Variants in SRGAP3 observed in about 807,000 individuals in gnomAD.
SRGAP3 encodes SLIT-ROBO Rho GTPase-activating protein 3.
A neutral mutation model predicts 121.1 loss-of-function variants in SRGAP3; 39 were observed. The ratio of observed to expected loss-of-function variants is 0.32; its 90% CI spans 0.25 to 0.42. The LOEUF is 0.42. Among genes scored for constraint, SRGAP3 ranks in the 10% least tolerant of loss-of-function variants. The probability of loss-of-function intolerance (pLI) is 1.00; values close to 1 mark genes in which losing one functional copy is unlikely to be tolerated. For synonymous variants in SRGAP3, 601 were observed against 570.0 expected, an observed-to-expected ratio of 1.05 and a Z score of -0.77; for missense variants, 1,213 against 1,470.6, an observed-to-expected ratio of 0.82 and a Z score of 2.86.
At chr3:9,006,171 C>T (rs1216922559) in intron 18 of SRGAP3, among the ~76,000 whole-genome samples, 1 of 151,966 alleles carries the variant, frequency 6.6e-6, no homozygotes, top group East Asian at 1.9e-4. Context: ...GAGGCTGAGG[C>T]AAGCAGATCA....
intron 1 of SRGAP3, among the ~76,000 whole-genome samples, chr3:9,173,277 T>C (rs1187071903): frequency 1.3e-5 from 2 of 152,202 alleles, no homozygotes; most frequent in Non-Finnish European, 2.9e-5. Flanking sequence ...AGGACAGGCT[T>C]ACAGCCCAAA....
intron 1 of SRGAP3, among the ~76,000 whole-genome samples, chr3:9,171,642 C>A (rs930752655): frequency 2.0e-5 from 3 of 152,124 alleles, no homozygotes. Flanking sequence ...TTATTAAAAT[C>A]TTTGCCTGGA....
intron 17 of SRGAP3, 71 bp downstream of exon 17, chr3:9,013,237 T>C (rs1212117378): frequency 6.8e-7 from 1 of 1,470,600 alleles, no homozygotes; most frequent in East Asian, 2.4e-5. Context: ...AACTGAAGGG[T>C]TTCTTATTGT....
chr3:9,028,183 G>C, intron 12 of SRGAP3: 1 of 1,609,004 alleles, frequency 6.2e-7, no homozygotes, highest in South Asian at 1.1e-5. Context: ...AAAAGATTAT[G>C]CAGGAATAAG....
chr3:9,072,363 C>G (rs1946762518), intron 4 of SRGAP3, among the ~76,000 whole-genome samples: 1 of 152,236 alleles, frequency 6.6e-6, no homozygotes, highest in African/African-American at 2.4e-5. Context: ...ACTAAGGCAC[C>G]TGTCATAGTG....
intron 2 of SRGAP3, among the ~76,000 whole-genome samples, chr3:9,105,655 G>T (rs555200950): frequency 6.6e-6 from 1 of 152,268 alleles, no homozygotes; most frequent in African/African-American, 2.4e-5. Context: ...AAGCCCTCCA[G>T]GGGATTCGGA....
In SRGAP3 at chr3:9,080,040, G is replaced by A. The variant is rs1947166722; in HGVS notation, c.471C>T (p.Thr157=). 6.2e-7 allele frequency: 1 copy of A among 1,614,158 alleles called. No individual in the cohort carries two copies. The highest frequency in any genetic ancestry group is 1.3e-5 in the African/African-American group (1 of 75,050). ...CAGAACTTACTGTGTAGAGCTCATTGGTCACCTTCAGGAGCTCCTCGTGCA... is the reference window on the plus strand; with the variant it reads ...CAGAACTTACTGTGTAGAGCTCATTAGTCACCTTCAGGAGCTCCTCGTGCA... ...LQMHEELLKV[T]NELYTVMKTY... is the part of the protein sequence containing the mutation. Residue 157 remains threonine, a synonymous_variant, in exon 4 of 22, where the codon ACC becomes ACT. Coordinates refer to ENST00000383836, the MANE Select transcript of SRGAP3 (RefSeq NM_014850.4).
rs186670065 is a variant in SRGAP3 at position 9,143,450 on chromosome 3, G to T, written c.68-18533C>A. Among the ~76,000 whole-genome samples the T allele has an allele frequency of 9.8e-4, 149 of 152,336 alleles. 3 individuals carry two copies. The East Asian group carries it at 0.025, about 25-fold the overall frequency. On this transcript the variant is annotated intron_variant, in intron 1 of 21. Transcript: ENST00000383836. ...CTTATGTTCTCCCTTCTGAATGAAG[G>T]AGGCTGATGTAGATTGGCTTATCAG...
At chr3:9,158,535 G>T (rs186668234) in intron 1 of SRGAP3, among the ~76,000 whole-genome samples, 4 of 152,070 alleles carry the variant, frequency 2.6e-5, no homozygotes, top group Non-Finnish European at 4.4e-5. Flanking sequence ...AAATACCCCC[G>T]GTATTCATTC....
At position 9,074,361 on chromosome 3, in the gene SRGAP3, A is replaced by G. The variant is rs112919548; in HGVS notation, c.486+5664T>C. 1.2e-3 allele frequency among the ~76,000 whole-genome samples: 187 copies of G among 152,342 alleles called. 3 individuals are homozygous for G. The highest frequency in any genetic ancestry group is 4.4e-3 in the African/African-American group (183 of 41,586). On this transcript the variant is annotated intron_variant, in intron 4 of 21. Coordinates refer to ENST00000383836, the MANE Select transcript of SRGAP3 (RefSeq NM_014850.4). The stretch of plus-strand genomic sequence containing the variant: ...GAATAATCCAGACAAATGAACTGGC[A>G]GCAGCCCCATGTTCCAGGGAGGGAC...
At chr3:9,028,033 T>C in intron 12 of SRGAP3, 5 of 1,595,004 alleles carry the variant, frequency 3.1e-6, no homozygotes, top group Non-Finnish European at 4.3e-6. Context: ...GGCTCTGTTC[T>C]GGAAGTCAGC....
intron 4 of SRGAP3, among the ~76,000 whole-genome samples, chr3:9,075,300 A>G (rs1946910176): frequency 6.6e-6 from 1 of 152,182 alleles, no homozygotes; most frequent in Admixed American, 6.5e-5. Context: ...ATATATGTGT[A>G]TGTACATACA....
At chr3:9,308,697 G>C (rs751180341) in intron 3 of SRGAP3, among the ~76,000 whole-genome samples, 1 of 152,178 alleles carries the variant, frequency 6.6e-6, no homozygotes, top group African/African-American at 2.4e-5. Context: ...ATGACACCAA[G>C]TATTTCTATA....
chr3:9,230,204 GATT>G (rs1291514133), intron 1 of SRGAP3, among the ~76,000 whole-genome samples: 1 of 152,206 alleles, frequency 6.6e-6, no homozygotes, highest in Middle Eastern at 3.2e-3. Context: ...TTTGAGGTTG[GATT>G]ATTATTATTA....
chr3:9,198,706 C>G (rs1145155), intron 1 of SRGAP3, among the ~76,000 whole-genome samples: 48,924 of 152,060 alleles, frequency 0.32, 8,294 homozygotes, highest in African/African-American at 0.42. Flanking sequence ...AGGATGAATA[C>G]GTCAATAGGT....
intron 3 of SRGAP3, among the ~76,000 whole-genome samples, chr3:9,268,251 T>C (rs1030549763): frequency 6.6e-6 from 1 of 151,936 alleles, no homozygotes; most frequent in African/African-American, 2.4e-5. Flanking sequence ...GGTTGGAGCC[T>C]CAGGATGGGA....
chr3:9,023,596 C>T (rs1258075932), intron 14 of SRGAP3, among the ~76,000 whole-genome samples: 1 of 152,228 alleles, frequency 6.6e-6, no homozygotes, highest in Non-Finnish European at 1.5e-5. Flanking sequence ...AATGCCTACT[C>T]TATCATTGCA....
At chr3:9,100,412 C>T (rs1337787097) in intron 3 of SRGAP3, among the ~76,000 whole-genome samples, 1 of 152,190 alleles carries the variant, frequency 6.6e-6, no homozygotes, top group Non-Finnish European at 1.5e-5. Context: ...AAGAAGCAAA[C>T]AGGAGGCCAA....
intron 1 of SRGAP3, among the ~76,000 whole-genome samples, chr3:9,355,391 C>T (rs984777170): frequency 7.9e-5 from 12 of 152,200 alleles, no homozygotes; most frequent in African/African-American, 2.7e-4. Context: ...TGGTCAGGCA[C>T]GGTGATAATT....
Sources: gnomAD v4.1 joint callset for allele counts (sites outside exome capture counted in the v4.1 genomes callset) on GRCh38, gnomAD v4.1.1 for gene constraint, MANE v1.5 for transcripts, NCBI Gene and HGNC (gene_info 2026-07-23, HGNC 2026-07-21) for gene names.